The following RPGR variants were observed in gnomAD, a reference collection of about 807,000 sequenced individuals.
RPGR encodes retinitis pigmentosa GTPase regulator, also known as X-linked retinitis pigmentosa GTPase regulator.
Under a neutral mutation model 56.3 loss-of-function variants are expected in RPGR, and 10 were observed. That is an observed-to-expected ratio of 0.18 (90% CI 0.11 to 0.30). RPGR has a LOEUF of 0.30. RPGR is among the 10% of genes least tolerant of loss of function. The pLI, the probability that RPGR is intolerant of heterozygous loss-of-function variation, is 1.00. For missense variants in RPGR, 538 were observed against 590.9 expected, an observed-to-expected ratio of 0.91 and a Z score of 0.93; for synonymous variants, 197 against 212.9, an observed-to-expected ratio of 0.93 and a Z score of 0.65.
At chrX:38,270,425 TAACA>T (rs2066820069) in intron 18 of RPGR, among the ~76,000 whole-genome samples, 1 of 89,454 alleles carries the variant, frequency 1.1e-5, no homozygotes, top group Non-Finnish European at 2.1e-5. Flanking sequence ...CTGTTCTGGC[TAACA>T]CAGTGAAACC....
Position 38,325,042 on chromosome X carries a change from C to T in RPGR, c.29-1518G>A, listed in dbSNP as rs377403686. 8.2e-4 allele frequency among the ~76,000 whole-genome samples: 87 copies of T among 106,034 alleles called. 2 individuals carry two copies. In the South Asian group the frequency reaches 0.016, roughly 20 times the overall value. 92.1% of individuals were successfully genotyped at this position (106,034 alleles called of 115,157 possible). A position where few individuals can be genotyped will look rare whatever the true frequency, so the allele number is the denominator to read the frequency against. On this transcript the variant is annotated intron_variant, in intron 1 of 18. Coordinates refer to ENST00000642395, the MANE Select transcript of RPGR (RefSeq NM_000328.3). The stretch of plus-strand genomic sequence containing the variant: ...AAAATTAGCCGGGCGTGGTGGTGGG[C>T]GCCTGTAATCCCAGCTACTCGGGGG...
At chrX:38,302,420 C>G (rs977861512) in intron 8 of RPGR, among the ~76,000 whole-genome samples, 1 of 111,255 alleles carries the variant, frequency 9.0e-6, no homozygotes. Flanking sequence ...GCAAACGTGG[C>G]TCGGGCAAGA....
At chrX:38,286,618 C>A (rs1298699633) in intron 15 of RPGR, 3 of 1,106,479 alleles carry the variant, frequency 2.7e-6, no homozygotes, top group Non-Finnish European at 3.5e-6. Context: ...TTCCCCCTCT[C>A]CTTGGTCTCC....
chrX:38,319,341 T>C (rs1040332784), intron 4 of RPGR, among the ~76,000 whole-genome samples: 3 of 112,833 alleles, frequency 2.7e-5, no homozygotes, highest in African/African-American at 9.6e-5. Context: ...AAGAGATGTG[T>C]CCATTAATTT....
intron 15 of RPGR, among the ~76,000 whole-genome samples, chrX:38,282,274 C>T (rs1232493118): frequency 9.0e-6 from 1 of 110,540 alleles, no homozygotes; most frequent in Non-Finnish European, 1.9e-5. Flanking sequence ...ACTACCACTC[C>T]TTCCTCTCTG....
intron 15 of RPGR, among the ~76,000 whole-genome samples, chrX:38,278,397 C>A: frequency 8.9e-6 from 1 of 111,759 alleles, no homozygotes; most frequent in Non-Finnish European, 1.9e-5. Context: ...CCCACCACCA[C>A]ACCCAGCTGA....
At chrX:38,273,245 T>A (rs952705083) in intron 18 of RPGR, 3 of 464,893 alleles carry the variant, frequency 6.5e-6, no homozygotes, top group East Asian at 7.5e-5. Context: ...ATTAAAAATA[T>A]GCGACATCAC....
At chrX:38,312,025 A>G (rs1264683344) in intron 6 of RPGR, among the ~76,000 whole-genome samples, 1 of 111,768 alleles carries the variant, frequency 8.9e-6, no homozygotes, top group Non-Finnish European at 1.9e-5. Context: ...ATTCGTAAGT[A>G]TAATCGCTAT....
At chrX:38,319,237 G>T (rs760481752) in intron 4 of RPGR, among the ~76,000 whole-genome samples, 1 of 112,323 alleles carries the variant, frequency 8.9e-6, no homozygotes, top group African/African-American at 3.2e-5. Flanking sequence ...TGCATGGAAC[G>T]TATTTATTTC....
chrX:38,310,160 G>A lies in RPGR; in HGVS notation c.778+455C>T, dbSNP rs149567188. Among the ~76,000 whole-genome samples the A allele has an allele frequency of 2.5e-3, 274 of 110,513 alleles. 2 individuals are homozygous for A. The highest frequency in any genetic ancestry group is 7.8e-3 in the African/African-American group (236 of 30,307). On this transcript the variant is annotated intron_variant, in intron 7 of 18. Transcript: ENST00000642395. ...AGTAAAGATGGGGTTTCGTCATGTTGCTCAGGCTGGTCTCGAACTCCTGGG... is the reference window on the plus strand; with the variant it reads ...AGTAAAGATGGGGTTTCGTCATGTTACTCAGGCTGGTCTCGAACTCCTGGG...
intron 15 of RPGR, chrX:38,285,383 C>T: frequency 1.8e-6 from 2 of 1,089,741 alleles, no homozygotes; most frequent in South Asian, 4.8e-5. Flanking sequence ...CTCCTATTGT[C>T]TTTGGCTCCT....
At chrX:38,278,916 GAC>G (rs774919386) in intron 15 of RPGR, among the ~76,000 whole-genome samples, 21 of 112,112 alleles carry the variant, frequency 1.9e-4, no homozygotes, top group Admixed American at 1.5e-3. Context: ...ATTATAAAAA[GAC>G]ACGTGGGAGT....
chrX:38,273,479 T>C lies in RPGR; in HGVS notation c.2150-2A>G, dbSNP rs1333238193. 1 of 1,176,517 alleles carries C rather than the reference T, an allele frequency of 8.5e-7. No homozygotes were observed. Among genetic ancestry groups the C allele is most frequent in the East Asian group, 3.0e-5 (1 of 33,664 alleles). ...TATCTGCATCATCAAGCATGTATCC[T>C]ACAATTGGATCATTCAGAAATACTA... On this transcript the variant is annotated splice_acceptor_variant, in intron 17 of 18. Transcript: ENST00000642395. LOFTEE classifies it high-confidence loss of function.
In RPGR at chrX:38,275,082, C is replaced by T; in HGVS notation, c.2149+7G>A. The T allele has an allele frequency of 8.3e-7, 1 of 1,200,499 alleles. No homozygotes were observed. Among genetic ancestry groups the T allele is most frequent in the Non-Finnish European group, 1.1e-6 (1 of 885,642 alleles). ...GTATATATGTATGTTATCAAATGTG[C>T]TCATACCTTTTGGGTTTTCATTGTA... On this transcript the variant is annotated splice_region_variant and intron_variant, in intron 17 of 18. Transcript: ENST00000642395.
chrX:38,270,688 G>C (rs1365764380), intron 18 of RPGR, among the ~76,000 whole-genome samples: 1 of 109,287 alleles, frequency 9.2e-6, no homozygotes, highest in Non-Finnish European at 1.9e-5. Context: ...GTGTGGGTCT[G>C]AGTAGGCAGT....
chrX:38,271,649 T>C (rs2066842410), intron 18 of RPGR, among the ~76,000 whole-genome samples: 1 of 112,033 alleles, frequency 8.9e-6, no homozygotes, highest in African/African-American at 3.2e-5. Flanking sequence ...AAAGTGGTCC[T>C]TCAGTCACTC....
chrX:38,319,054 T>A, intron 4 of RPGR, 67 bp from the exon 5 acceptor site: 1 of 1,077,622 alleles, frequency 9.3e-7, no homozygotes, highest in Admixed American at 2.2e-5. Flanking sequence ...GGTCAGTGTA[T>A]AGCAGCGATT....
chrX:38,287,466 G>C (rs780538175), intron 14 of RPGR: 6 of 553,344 alleles, frequency 1.1e-5, no homozygotes, highest in Admixed American at 1.0e-4. Context: ...CACCTTCCAT[G>C]TAACTGTCTG....
chrX:38,327,397 G>C lies in RPGR; in HGVS notation c.-30C>G. 3.4e-6 allele frequency: 4 copies of C among 1,168,216 alleles called. No homozygotes were observed. The highest frequency in any genetic ancestry group is 3.4e-6 in the Non-Finnish European group (3 of 873,168). ...CGGGCAGTACGGGCAGCCTGCGCCG[G>C]GGCCAGGAGGCTGTAGAGGACGGTT... is the stretch of plus-strand genomic sequence containing the variant. On this transcript the variant is annotated 5_prime_UTR_variant, in exon 1 of 19. Coordinates refer to ENST00000642395, the MANE Select transcript of RPGR (RefSeq NM_000328.3).
Sources: gnomAD v4.1 joint callset for allele counts (sites outside exome capture counted in the v4.1 genomes callset) on GRCh38, gnomAD v4.1.1 for gene constraint, MANE v1.5 for transcripts, NCBI Gene and HGNC (gene_info 2026-07-23, HGNC 2026-07-21) for gene names.